KIF6: variants seen among roughly 807,000 people sequenced by gnomAD.
KIF6 encodes kinesin-like protein KIF6.
A neutral mutation model predicts 112.7 loss-of-function variants in KIF6; 106 were observed. The observed-to-expected ratio is 0.94, with a 90% confidence interval of 0.80 to 1.11. The LOEUF (loss-of-function observed/expected upper bound fraction) is 1.11, where lower values mean the gene tolerates loss of function less well. Ranked by LOEUF, KIF6 falls within the 50% of genes least tolerant of loss-of-function variation. The probability of loss-of-function intolerance (pLI) is 0.00; values close to 1 mark genes in which losing one functional copy is unlikely to be tolerated. For missense variants in KIF6, 929 were observed against 964.0 expected (o/e 0.96, Z 0.48); for synonymous variants, 339 against 339.9 (o/e 1.00, Z 0.03).
chr6:39,354,167 G>T, intron 19 of KIF6: 2 of 325,648 alleles, frequency 6.1e-6, no homozygotes, highest in South Asian at 5.3e-5. Context: ...CTGCAACGGT[G>T]ACCTGCTGGC....
In KIF6 at chr6:39,549,820, C is replaced by T. The variant is rs116355606; in HGVS notation, c.1182-4132G>A. ...CATAGTTAAGCAGCAATTTAAGTGA[C>T]GGCAAAGTGTTGTACTTATTGACAT... On this transcript the variant is annotated intron_variant, in intron 10 of 22. Transcript: ENST00000287152. Among the ~76,000 whole-genome samples the T allele has an allele frequency of 9.3e-3, 1,422 of 152,172 alleles. 15 individuals are homozygous for T. Among genetic ancestry groups the T allele is most frequent in the Middle Eastern group, 0.054 (16 of 294 alleles).
chr6:39,671,878 G>A (rs1387869518), intron 3 of KIF6, among the ~76,000 whole-genome samples: 1 of 152,156 alleles, frequency 6.6e-6, no homozygotes, highest in Non-Finnish European at 1.5e-5. Flanking sequence ...GGGTACTCTG[G>A]TTTCCTCCCA....
intron 13 of KIF6, among the ~76,000 whole-genome samples, chr6:39,493,733 G>C (rs182280204): frequency 1.4e-4 from 21 of 152,292 alleles, no homozygotes; most frequent in African/African-American, 4.8e-4. Flanking sequence ...TGCTCAAGGG[G>C]CTACTTTCAA....
At chr6:39,441,671 A>C (rs887396922) in intron 13 of KIF6, among the ~76,000 whole-genome samples, 1 of 152,246 alleles carries the variant, frequency 6.6e-6, no homozygotes, top group Admixed American at 6.5e-5. Flanking sequence ...AAGTGACTGC[A>C]GATGTGAAGA....
chr6:39,454,309 TGAAA>T (rs936221313), intron 13 of KIF6, among the ~76,000 whole-genome samples: 6 of 151,822 alleles, frequency 4.0e-5, no homozygotes, highest in African/African-American at 1.5e-4. Context: ...GATTGAGATG[TGAAA>T]GAGAGAGAGT....
intron 13 of KIF6, among the ~76,000 whole-genome samples, chr6:39,436,213 GT>G (rs869156824): frequency 6.6e-6 from 1 of 151,342 alleles, no homozygotes; most frequent in African/African-American, 2.4e-5. Context: ...AGGATTATTT[GT>G]TTTTTTTCTT....
intron 3 of KIF6, among the ~76,000 whole-genome samples, chr6:39,663,022 T>C (rs1014995735): frequency 1.3e-5 from 2 of 152,052 alleles, no homozygotes; most frequent in Non-Finnish European, 2.9e-5. Flanking sequence ...AGCCTCCTAG[T>C]AGCTGGGACT....
chr6:39,581,161 C>CTTTTTTTTTTTT (rs60321520), intron 9 of KIF6, among the ~76,000 whole-genome samples: 1 of 78,704 alleles, frequency 1.3e-5, no homozygotes, highest in African/African-American at 4.5e-5. Context: ...GCTTTACTTT[C>CTTTTTTTTTTTT]TTTTTTTTTT....
At chr6:39,574,720 T>G (rs59271414) in intron 10 of KIF6, among the ~76,000 whole-genome samples, 2,759 of 152,310 alleles carry the variant, frequency 0.018, 93 homozygotes, top group African/African-American at 0.063. Context: ...ATATTATTTC[T>G]TAACTATTGG....
chr6:39,359,947 T>C (rs1581669401), intron 18 of KIF6, among the ~76,000 whole-genome samples: 1 of 152,352 alleles, frequency 6.6e-6, no homozygotes, highest in East Asian at 1.9e-4. Flanking sequence ...GGTAAAAGAA[T>C]ATAATCAAAC....
At chr6:39,600,209 G>A (rs1049548085) in intron 6 of KIF6, among the ~76,000 whole-genome samples, 1 of 152,150 alleles carries the variant, frequency 6.6e-6, no homozygotes, top group African/African-American at 2.4e-5. Context: ...GCACCATTTA[G>A]GCAGATTCAT....
At chr6:39,668,324 G>C (rs975357647) in intron 3 of KIF6, among the ~76,000 whole-genome samples, 6 of 152,274 alleles carry the variant, frequency 3.9e-5, no homozygotes, top group Non-Finnish European at 4.4e-5. Flanking sequence ...AAATAATTAA[G>C]AGTGATTCCT....
chr6:39,462,303 T>C (rs1773526038), intron 13 of KIF6, among the ~76,000 whole-genome samples: 1 of 152,208 alleles, frequency 6.6e-6, no homozygotes, highest in Non-Finnish European at 1.5e-5. Flanking sequence ...AATGTGAACA[T>C]TATGTAATGT....
intron 14 of KIF6, among the ~76,000 whole-genome samples, chr6:39,426,285 C>G (rs527343114): frequency 6.6e-6 from 1 of 152,328 alleles, no homozygotes; most frequent in Admixed American, 6.5e-5. Flanking sequence ...GGCTCACATG[C>G]TCTAGTTCAC....
intron 3 of KIF6, among the ~76,000 whole-genome samples, chr6:39,647,914 T>C (rs958262284): frequency 2.6e-5 from 4 of 152,044 alleles, no homozygotes; most frequent in African/African-American, 9.7e-5. Flanking sequence ...TTTCACCATG[T>C]TGGCCAGGCT....
chr6:39,495,156 C>G (rs995161891), intron 13 of KIF6, among the ~76,000 whole-genome samples: 1 of 152,268 alleles, frequency 6.6e-6, no homozygotes, highest in South Asian at 2.1e-4. Flanking sequence ...TAATTAAAAC[C>G]CTGTTTCCAC....
intron 3 of KIF6, chr6:39,691,633 CA>C (rs994337345): frequency 1.3e-5 from 2 of 151,920 alleles, no homozygotes; most frequent in Non-Finnish European, 2.9e-5. Flanking sequence ...TAATAAAAAG[CA>C]AAATGACTAT....
Position 39,422,967 on chromosome 6 carries a change from C to T in KIF6, c.1755-2964G>A, listed in dbSNP as rs189419058. 3.9e-5 allele frequency among the ~76,000 whole-genome samples: 6 copies of T among 152,354 alleles called. No individual in the cohort carries two copies. In the East Asian group the frequency reaches 7.7e-4, roughly 20 times the overall value. On this transcript the variant is annotated intron_variant, in intron 14 of 22. Transcript: ENST00000287152. ...GCTGCTCACTGCTATGCTGATGAGG[C>T]TGCACCTTGAGGAGGGGCAGGAAGG...
intron 17 of KIF6, 127 bp downstream of exon 17, chr6:39,362,307 C>T (rs1387903936): frequency 1.4e-6 from 1 of 731,852 alleles, no homozygotes; most frequent in East Asian, 2.5e-5. Context: ...CCCTCCTCCT[C>T]CTGCTGTTCT....
Sources: allele counts gnomAD v4.1 joint callset (sites outside exome capture counted in the v4.1 genomes callset), GRCh38; gene constraint gnomAD v4.1.1; transcripts MANE v1.5; gene names NCBI Gene and HGNC (gene_info 2026-07-23, HGNC 2026-07-21).